Variants in PDE1A observed in about 807,000 individuals in gnomAD.
PDE1A encodes the protein dual specificity calcium/calmodulin-dependent 3',5'-cyclic nucleotide phosphodiesterase 1A.
PDE1A carries 35 observed loss-of-function variants against 61.7 expected under a neutral mutation model. The observed-to-expected ratio is 0.57, with a 90% CI of 0.43 to 0.75. The LOEUF is 0.75. Among genes scored for constraint, PDE1A ranks in the 30% least tolerant of loss-of-function variants. The pLI is 0.00. For missense variants in PDE1A, 597 were observed against 630.6 expected, an observed-to-expected ratio of 0.95 and a Z score of 0.57; for synonymous variants, 232 against 213.2, an observed-to-expected ratio of 1.09 and a Z score of -0.77.
chr2:182,326,150 T>C (rs1697033118), intron 1 of PDE1A, among the ~76,000 whole-genome samples: 1 of 152,156 alleles, frequency 6.6e-6, no homozygotes, highest in Non-Finnish European at 1.5e-5. Context: ...AAATAAGTGT[T>C]AGCAAAGATG....
intron 2 of PDE1A, among the ~76,000 whole-genome samples, chr2:182,453,727 C>A (rs1685689833): frequency 6.6e-6 from 1 of 152,100 alleles, no homozygotes; most frequent in African/African-American, 2.4e-5. Flanking sequence ...ACCCTTCATG[C>A]TAAAAACTCT....
intron 13 of PDE1A, among the ~76,000 whole-genome samples, chr2:182,161,410 G>A (rs1028756090): frequency 4.6e-5 from 7 of 152,086 alleles, no homozygotes; most frequent in African/African-American, 1.4e-4. Flanking sequence ...TCCTGATGGG[G>A]GGCATTGAGC....
chr2:182,546,358 G>A, the PDE1A span, among the ~76,000 whole-genome samples: 1 of 151,986 alleles, frequency 6.6e-6, no homozygotes, highest in Non-Finnish European at 1.5e-5. Flanking sequence ...CCACTCACTG[G>A]ATGGATGTAC....
At chr2:182,582,167 G>A in the PDE1A span, among the ~76,000 whole-genome samples, 1 of 152,086 alleles carries the variant, frequency 6.6e-6, no homozygotes, top group Non-Finnish European at 1.5e-5. Flanking sequence ...TGCAAAGGTG[G>A]CAAGGATCAA....
chr2:182,556,579 A>G, the PDE1A span, among the ~76,000 whole-genome samples: 1 of 152,234 alleles, frequency 6.6e-6, no homozygotes, highest in African/African-American at 2.4e-5. Flanking sequence ...CTCAATGGCC[A>G]TATTGGGAAT....
chr2:182,150,306 G>C (rs762810634), intron 13 of PDE1A, among the ~76,000 whole-genome samples: 4 of 152,096 alleles, frequency 2.6e-5, no homozygotes, highest in African/African-American at 4.8e-5. Flanking sequence ...TCATTTTTCA[G>C]GCAAGAAATA....
chr2:182,292,795 C>T (rs1288168108), intron 1 of PDE1A, among the ~76,000 whole-genome samples: 1 of 151,886 alleles, frequency 6.6e-6, no homozygotes, highest in African/African-American at 2.4e-5. Context: ...TTTCTCATTC[C>T]ACATTTTTCC....
chr2:182,588,561 A>G, the PDE1A span, among the ~76,000 whole-genome samples: 1 of 152,062 alleles, frequency 6.6e-6, no homozygotes, highest in African/African-American at 2.4e-5. Flanking sequence ...CAACCATATG[A>G]CCCTTTTTCA....
At chr2:182,401,043 C>A (rs1701972863) in intron 1 of PDE1A, among the ~76,000 whole-genome samples, 1 of 152,104 alleles carries the variant, frequency 6.6e-6, no homozygotes, top group East Asian at 1.9e-4. Flanking sequence ...CCCTCTGAGG[C>A]TTCCTCCACT....
At chr2:182,254,617 A>C (rs1454166379) in intron 2 of PDE1A, among the ~76,000 whole-genome samples, 1 of 152,194 alleles carries the variant, frequency 6.6e-6, no homozygotes, top group East Asian at 1.9e-4. Flanking sequence ...ACAATTCCAG[A>C]ACAAAAAGGG....
intron 1 of PDE1A, among the ~76,000 whole-genome samples, chr2:182,313,183 G>A (rs1378207931): frequency 6.6e-6 from 1 of 152,192 alleles, no homozygotes; most frequent in Non-Finnish European, 1.5e-5. Context: ...GGAGGCCGAG[G>A]CAGGCAGATC....
intron 7 of PDE1A, among the ~76,000 whole-genome samples, chr2:182,222,357 T>TAAAG (rs1425624130): frequency 6.6e-6 from 1 of 151,790 alleles, no homozygotes; most frequent in African/African-American, 2.4e-5. Context: ...AAAGAGACAT[T>TAAAG]AAAGAGACCA....
chr2:182,159,218 T>G (rs1024703628), intron 13 of PDE1A, among the ~76,000 whole-genome samples: 1 of 152,232 alleles, frequency 6.6e-6, no homozygotes, highest in Admixed American at 6.5e-5. Flanking sequence ...TTTTTTAGAA[T>G]CCTTCTTTCC....
At chr2:182,145,900 CG>C (rs1047748699), downstream of PDE1A, among the ~76,000 whole-genome samples, 5 of 152,036 alleles carry the variant, frequency 3.3e-5, no homozygotes, top group Non-Finnish European at 5.9e-5. Context: ...ATTTTAAAAG[CG>C]AATCACATTT....
intron 1 of PDE1A, among the ~76,000 whole-genome samples, chr2:182,385,320 A>T (rs772241973): frequency 2.0e-5 from 3 of 152,330 alleles, no homozygotes; most frequent in Middle Eastern, 3.4e-3. Context: ...GCGAAGGTTG[A>T]CAGTCAAAAC....
chr2:182,498,769 C>T (rs570374663), intron 2 of PDE1A, among the ~76,000 whole-genome samples: 1 of 151,880 alleles, frequency 6.6e-6, no homozygotes, highest in South Asian at 2.1e-4. Context: ...ACGGTGAAAC[C>T]CCGTCTTTAC....
chr2:182,682,930 T>C, the PDE1A span, among the ~76,000 whole-genome samples: 70 of 152,268 alleles, frequency 4.6e-4, no homozygotes, highest in African/African-American at 1.6e-3. Flanking sequence ...GTGCATGTTG[T>C]ACTCCTCCAT....
chr2:182,304,162 G>A (rs1313968700), intron 1 of PDE1A, among the ~76,000 whole-genome samples: 2 of 152,052 alleles, frequency 1.3e-5, no homozygotes, highest in Non-Finnish European at 2.9e-5. Context: ...GATTATAGGC[G>A]TGAGCCACCA....
chr2:182,432,805 G>A (rs75392337), intron 2 of PDE1A, among the ~76,000 whole-genome samples: 7,302 of 151,938 alleles, frequency 0.048, 208 homozygotes, highest in Middle Eastern at 0.078. Context: ...AAACCTGCAG[G>A]TCCCTGATCT....
Sources: allele counts gnomAD v4.1 joint callset (sites outside exome capture counted in the v4.1 genomes callset), GRCh38; gene constraint gnomAD v4.1.1; transcripts MANE v1.5; gene names NCBI Gene and HGNC (gene_info 2026-07-23, HGNC 2026-07-21).